Variants in SV2B observed in about 807,000 individuals in gnomAD.
The protein encoded by SV2B is synaptic vesicle glycoprotein 2B.
A neutral mutation model predicts 73.9 loss-of-function variants in SV2B; 41 were observed. The observed-to-expected ratio is 0.56, with a 90% CI of 0.43 to 0.72. SV2B has a LOEUF of 0.72. SV2B is among the 30% of genes least tolerant of loss of function. SV2B has a pLI of 0.00. For synonymous variants in SV2B, 314 were observed against 314.2 expected (o/e 1.00, Z 0.01); for missense variants, 764 against 857.8 (o/e 0.89, Z 1.37).
At chr15:91,291,238 T>C (rs559048697) in intron 12 of SV2B, among the ~76,000 whole-genome samples, 17 of 151,802 alleles carry the variant, frequency 1.1e-4, no homozygotes, top group African/African-American at 3.9e-4. Flanking sequence ...AAGTTTTTTT[T>C]CCCCTCTGGG....
chr15:91,276,805 G>GTTGTTATTATTATTATTATTATTA (rs528279430), intron 9 of SV2B, among the ~76,000 whole-genome samples: 11 of 92,096 alleles, frequency 1.2e-4, no homozygotes, highest in African/African-American at 3.4e-4. Context: ...TATTGTTGTT[G>GTTGTTATTATTATTATTATTATTA]TTATTATTAT....
chr15:91,295,816 G>A lies in SV2B; in HGVS notation c.*3264G>A, dbSNP rs2049200905. 1.3e-5 allele frequency: 2 copies of A among 152,158 alleles called. No individual in the cohort carries two copies. Among genetic ancestry groups the A allele is most frequent in the African/African-American group, 2.4e-5 (1 of 41,454 alleles). 9.4% of individuals were successfully genotyped at this position (152,158 alleles called of 1,614,324 possible). ...AATCCTTATTGAGCCCTGACCATGG[G>A]CCAGTCTCTCTGCCAAGCCCTGGGG... is the stretch of plus-strand genomic sequence containing the variant. On this transcript the variant is annotated 3_prime_UTR_variant, in exon 13 of 13. Coordinates refer to ENST00000394232, the MANE Select transcript of SV2B (RefSeq NM_001323032.3).
chr15:91,277,766 G>A (rs1268180116), intron 9 of SV2B, among the ~76,000 whole-genome samples: 2 of 152,228 alleles, frequency 1.3e-5, no homozygotes, highest in East Asian at 3.9e-4. Flanking sequence ...TTTGACTTAG[G>A]ATGTTTCTAA....
intron 9 of SV2B, among the ~76,000 whole-genome samples, chr15:91,273,610 C>G (rs1175710060): frequency 1.3e-5 from 2 of 152,198 alleles, no homozygotes; most frequent in African/African-American, 4.8e-5. Context: ...GTTATATAAT[C>G]CTATCATCTG....
intron 4 of SV2B, among the ~76,000 whole-genome samples, chr15:91,257,585 T>C (rs1415029605): frequency 1.3e-5 from 2 of 152,168 alleles, no homozygotes; most frequent in South Asian, 2.1e-4. Context: ...TTTAAAAAAA[T>C]TGTGTAGCCG....
Position 91,236,501 on chromosome 15 carries a change from G to A in SV2B, c.451+9787G>A, listed in dbSNP as rs1474987974. Among the ~76,000 whole-genome samples the A allele has an allele frequency of 6.6e-6, 1 of 152,198 alleles. No individual in the cohort carries two copies. Among genetic ancestry groups the A allele is most frequent in the Non-Finnish European group, 1.5e-5 (1 of 68,036 alleles). ...ATATTTACTGAGAATGGAGGTGGAA[G>A]TTGCAGAGTTGGGAGTGGGCTGGAA... On this transcript the variant is annotated intron_variant, in intron 2 of 12. Transcript: ENST00000394232. This position sits in a 1 kb window ranked among gnomAD's most constrained non-coding sequence, Gnocchi z 4.1.
intron 1 of SV2B, among the ~76,000 whole-genome samples, chr15:91,184,995 A>G (rs1453178830): frequency 6.6e-6 from 1 of 152,268 alleles, no homozygotes; most frequent in Non-Finnish European, 1.5e-5. Flanking sequence ...GAGGCACACT[A>G]TTGAAAACTA....
rs1051199829 is a variant in SV2B, at chr15:91,253,435, A to G, written c.784+915A>G. 2.0e-5 allele frequency among the ~76,000 whole-genome samples: 3 copies of G among 152,182 alleles called. No individual in the cohort carries two copies. The highest frequency in any genetic ancestry group is 7.2e-5 in the African/African-American group (3 of 41,440). ...TTCTCAGCTAATGGAGGCTGCATGT[A>G]TATGTTTTTAAGAACAAGCTTTGGT... On this transcript the variant is annotated intron_variant, in intron 4 of 12. Coordinates refer to ENST00000394232, the MANE Select transcript of SV2B (RefSeq NM_001323032.3). This position sits in a 1 kb window ranked among gnomAD's most constrained non-coding sequence, Gnocchi z 5.0.
At position 91,300,052 on chromosome 15, in the gene SV2B, G is replaced by A. The variant is rs2049391632; in HGVS notation, c.*7500G>A. 1 of 152,168 alleles carries A rather than the reference G, an allele frequency of 6.6e-6. No individual in the cohort carries two copies. The highest frequency in any genetic ancestry group is 2.4e-5 in the African/African-American group (1 of 41,436). The allele number at this position is 152,168 out of a possible 1,614,324, so 9.4% of individuals were successfully genotyped here. On this transcript the variant is annotated 3_prime_UTR_variant, in exon 13 of 13. Coordinates refer to ENST00000394232, the MANE Select transcript of SV2B (RefSeq NM_001323032.3). ...TGTGCATATATACACACAAGGTTTG[G>A]TTTAATATACTTGCTGTGCACTAGT...
rs1326075229 is a variant in SV2B, at chr15:91,223,340, T to C, written c.-391-2533T>C. On this transcript the variant is annotated intron_variant, in intron 1 of 12. Transcript: ENST00000394232. The surrounding 1 kb of genome is among the most constrained non-coding windows in gnomAD (Gnocchi z 4.6). ...TGAAAATGATTAATAGTTGTGTTTC[T>C]TAAATGAAATAGAAATGAACACTCA... 6.6e-6 allele frequency among the ~76,000 whole-genome samples: 1 copy of C among 152,232 alleles called. No individual in the cohort carries two copies. The highest frequency in any genetic ancestry group is 1.5e-5 in the Non-Finnish European group (1 of 68,046).
intron 11 of SV2B, among the ~76,000 whole-genome samples, chr15:91,285,699 C>T (rs1012584605): frequency 2.0e-5 from 3 of 152,182 alleles, no homozygotes; most frequent in East Asian, 1.9e-4. Flanking sequence ...GAGACACTTC[C>T]GCCATTTGTC....
At chr15:91,250,718 C>T (rs886747953) in intron 2 of SV2B, among the ~76,000 whole-genome samples, 11 of 152,024 alleles carry the variant, frequency 7.2e-5, no homozygotes, top group Non-Finnish European at 1.6e-4. Context: ...TTTACAATAA[C>T]ATTAAAACAT....
In SV2B at chr15:91,260,511, G is replaced by A. The variant is rs1375187629; in HGVS notation, c.1008+102G>A. 4 of 820,338 alleles carry A rather than the reference G, an allele frequency of 4.9e-6. No individual in the cohort carries two copies. In the Admixed American group the frequency reaches 8.7e-5, roughly 18 times the overall value. The allele number at this position is 820,338 out of a possible 1,614,324, so 50.8% of individuals were successfully genotyped here. On this transcript the variant is annotated intron_variant, in intron 6 of 12. Transcript: ENST00000394232. ...CACATAACAGGAAATTTGTCAAAAG[G>A]AGAACAAAGACTCTGATATTGCTGT...
intron 9 of SV2B, among the ~76,000 whole-genome samples, chr15:91,276,073 T>G (rs1256624197): frequency 6.6e-6 from 1 of 151,870 alleles, no homozygotes; most frequent in Non-Finnish European, 1.5e-5. Context: ...AGTTTTTTTT[T>G]TTTTTCCAGT....
At chr15:91,168,419 G>A (rs1208196835) in intron 1 of SV2B, among the ~76,000 whole-genome samples, 1 of 152,150 alleles carries the variant, frequency 6.6e-6, no homozygotes, top group Non-Finnish European at 1.5e-5. Context: ...GGGTGCCCTT[G>A]TGGCTGGTAT....
intron 1 of SV2B, among the ~76,000 whole-genome samples, chr15:91,219,182 C>T (rs1278168954): frequency 6.6e-6 from 1 of 152,146 alleles, no homozygotes; most frequent in Non-Finnish European, 1.5e-5. Context: ...CTCCTGGTCT[C>T]AGGTGATCCA....
chr15:91,135,476 T>G (rs1459267792), intron 1 of SV2B, among the ~76,000 whole-genome samples: 1 of 152,190 alleles, frequency 6.6e-6, no homozygotes. Flanking sequence ...GTTGAGCAAG[T>G]GCTTCATGGT....
Position 91,252,483 on chromosome 15 carries a change from C to T in SV2B, c.747C>T (p.Tyr249=), listed in dbSNP as rs74978515. 3.4e-4 allele frequency: 541 copies of T among 1,613,412 alleles called. 4 individuals are homozygous for T. The East Asian group carries it at 9.2e-3, about 28-fold the overall frequency. The change falls in exon 4 of 13, where the codon TAC becomes TAT. Residue 249 remains tyrosine (Y), a synonymous_variant. Coordinates refer to ENST00000394232, the MANE Select transcript of SV2B (RefSeq NM_001323032.3). This position sits in a 1 kb window ranked among gnomAD's most constrained non-coding sequence, Gnocchi z 4.6. ...LGIFWMTGGL[Y]ASAMAWSIIP... is the part of the protein sequence containing the mutation. ...TCTTCTGGATGACTGGGGGCCTGTA[C>T]GCATCTGCCATGGCCTGGAGCATCA...
chr15:91,277,892 A>G (rs963869673), intron 9 of SV2B, among the ~76,000 whole-genome samples: 1 of 152,192 alleles, frequency 6.6e-6, no homozygotes, highest in Non-Finnish European at 1.5e-5. Context: ...TCCTAAAGGC[A>G]GTAAATGTGC....
Sources: gnomAD v4.1 joint callset for allele counts (sites outside exome capture counted in the v4.1 genomes callset) on GRCh38, gnomAD v4.1.1 for gene constraint, Gnocchi (gnomAD v3.1) non-coding constraint, MANE v1.5 for transcripts, NCBI Gene and HGNC (gene_info 2026-07-23, HGNC 2026-07-21) for gene names.